LMNTD1: variants seen among roughly 807,000 people sequenced by gnomAD.
The protein encoded by LMNTD1 is lamin tail domain containing 1, also known as lamin tail domain-containing protein 1.
In LMNTD1, 35 loss-of-function variants were observed where a neutral mutation model predicts 50.9. The observed-to-expected ratio is 0.69, with a 90% confidence interval of 0.53 to 0.91. The LOEUF (loss-of-function observed/expected upper bound fraction) is 0.91, where lower values mean the gene tolerates loss of function less well. Ranked by LOEUF, LMNTD1 falls within the 40% of genes least tolerant of loss-of-function variation. The probability of loss-of-function intolerance (pLI) is 0.00; values close to 1 mark genes in which losing one functional copy is unlikely to be tolerated. For missense variants in LMNTD1, 470 were observed against 475.5 expected, an observed-to-expected ratio of 0.99 and a Z score of 0.11; for synonymous variants, 153 against 161.9, an observed-to-expected ratio of 0.94 and a Z score of 0.42.
At chr12:25,506,629 G>A (rs1939804955) in intron 8 of LMNTD1, among the ~76,000 whole-genome samples, 1 of 151,584 alleles carries the variant, frequency 6.6e-6, no homozygotes, top group Admixed American at 6.6e-5. Context: ...CTTATCTGCT[G>A]TGTTAAAGGG....
At chr12:25,567,020 G>A (rs185335036) in intron 1 of LMNTD1, among the ~76,000 whole-genome samples, 21 of 152,286 alleles carry the variant, frequency 1.4e-4, no homozygotes, top group Admixed American at 1.1e-3. Flanking sequence ...GTAAGTGCAG[G>A]ACACCTCCAA....
chr12:25,578,534 A>G (rs12817496), intron 1 of LMNTD1, among the ~76,000 whole-genome samples: 1 of 152,234 alleles, frequency 6.6e-6, no homozygotes, highest in African/African-American at 2.4e-5. Flanking sequence ...AGTTTAATGC[A>G]AAACTATGTA....
At chr12:25,494,740 A>C (rs943427681) in intron 9 of LMNTD1, among the ~76,000 whole-genome samples, 5 of 152,190 alleles carry the variant, frequency 3.3e-5, no homozygotes. Flanking sequence ...AGTGTACAAC[A>C]TGGTATTTTG....
intron 4 of LMNTD1, among the ~76,000 whole-genome samples, chr12:25,542,832 G>C (rs1236252183): frequency 6.6e-6 from 1 of 150,452 alleles, no homozygotes; most frequent in Non-Finnish European, 1.5e-5. Flanking sequence ...AAAAAATAGG[G>C]GAAACCAATA....
chr12:25,621,339 C>T (rs1301770426), intron 1 of LMNTD1, among the ~76,000 whole-genome samples: 3 of 152,136 alleles, frequency 2.0e-5, no homozygotes, highest in Non-Finnish European at 2.9e-5. Flanking sequence ...ATCCTTACAC[C>T]TTAGACTTCC....
intron 1 of LMNTD1, among the ~76,000 whole-genome samples, chr12:25,595,561 T>C (rs967123563): frequency 4.6e-5 from 7 of 152,112 alleles, no homozygotes; most frequent in African/African-American, 1.4e-4. Context: ...TATCAAAATC[T>C]CTGGGATACA....
At chr12:25,532,267 G>T (rs1942277230) in intron 4 of LMNTD1, among the ~76,000 whole-genome samples, 1 of 152,014 alleles carries the variant, frequency 6.6e-6, no homozygotes, top group Non-Finnish European at 1.5e-5. Flanking sequence ...TTTTGCTTCT[G>T]GTAGGCATCT....
intron 1 of LMNTD1, among the ~76,000 whole-genome samples, chr12:25,568,612 G>T (rs1008471731): frequency 3.3e-5 from 5 of 152,222 alleles, no homozygotes; most frequent in African/African-American, 1.2e-4. Flanking sequence ...CTAGAGTAAA[G>T]AATGGTTTAA....
chr12:25,554,110 C>T (rs1019161888), upstream of LMNTD1, among the ~76,000 whole-genome samples: 1 of 152,310 alleles, frequency 6.6e-6, no homozygotes, highest in East Asian at 1.9e-4. Flanking sequence ...TCCTCCCTCT[C>T]AGAGATGAAG....
chr12:25,532,423 A>G (rs1942287979), intron 4 of LMNTD1, among the ~76,000 whole-genome samples: 1 of 152,068 alleles, frequency 6.6e-6, no homozygotes, highest in Non-Finnish European at 1.5e-5. Context: ...ATAGGCCCTA[A>G]ATGCCAACTT....
chr12:25,567,566 T>C (rs775041527), intron 1 of LMNTD1, among the ~76,000 whole-genome samples: 4 of 152,128 alleles, frequency 2.6e-5, no homozygotes, highest in Non-Finnish European at 5.9e-5. Context: ...TGGGAGGTGA[T>C]GGGATCATGG....
At chr12:25,624,427 A>T (rs1051163393) in intron 1 of LMNTD1, among the ~76,000 whole-genome samples, 2 of 152,246 alleles carry the variant, frequency 1.3e-5, no homozygotes, top group African/African-American at 4.8e-5. Context: ...AAGCTAAAGG[A>T]TTAATGTAAA....
chr12:25,520,606 C>G (rs945493168), intron 6 of LMNTD1, among the ~76,000 whole-genome samples: 8 of 152,164 alleles, frequency 5.3e-5, no homozygotes, highest in African/African-American at 1.9e-4. Context: ...TGTCTGTTGA[C>G]AGACACTTAG....
intron 4 of LMNTD1, among the ~76,000 whole-genome samples, chr12:25,527,416 T>G (rs895430785): frequency 3.3e-5 from 5 of 151,414 alleles, no homozygotes; most frequent in African/African-American, 1.2e-4. Flanking sequence ...CATAGGATGG[T>G]GTTTTTCACC....
chr12:25,624,067 T>G (rs1054439723), intron 1 of LMNTD1, among the ~76,000 whole-genome samples: 2 of 152,204 alleles, frequency 1.3e-5, no homozygotes, highest in African/African-American at 4.8e-5. Flanking sequence ...AACCTATCTT[T>G]GGCATAAACT....
chr12:25,547,889 G>A (rs761365291), intron 3 of LMNTD1, among the ~76,000 whole-genome samples: 12 of 151,736 alleles, frequency 7.9e-5, no homozygotes, highest in Non-Finnish European at 1.5e-4. Flanking sequence ...CTAGAGAAGT[G>A]GAATCTACAG....
chr12:25,555,693 G>A (rs1944010537), upstream of LMNTD1, among the ~76,000 whole-genome samples: 1 of 152,190 alleles, frequency 6.6e-6, no homozygotes, highest in African/African-American at 2.4e-5. Flanking sequence ...CAGACAGTAG[G>A]AAGCAGATGA....
At chr12:25,526,997 G>A (rs774313024) in intron 4 of LMNTD1, 42 bp from the exon 5 acceptor site, 2 of 1,438,094 alleles carry the variant, frequency 1.4e-6, no homozygotes, top group Non-Finnish European at 1.9e-6. Context: ...CCTTCAGATA[G>A]GAGTGTCTTT....
chr12:25,519,302 G>A (rs1258337290), intron 7 of LMNTD1, among the ~76,000 whole-genome samples: 3 of 152,158 alleles, frequency 2.0e-5, no homozygotes, highest in African/African-American at 4.8e-5. Context: ...CATGAAAAGT[G>A]AAATGGCGGC....
Sources: allele counts gnomAD v4.1 joint callset (sites outside exome capture counted in the v4.1 genomes callset), GRCh38; gene constraint gnomAD v4.1.1; transcripts MANE v1.5; gene names NCBI Gene and HGNC (gene_info 2026-07-23, HGNC 2026-07-21).